The following NPHP4 variants were observed in gnomAD, a reference collection of about 807,000 sequenced individuals.
NPHP4 encodes the protein nephrocystin-4.
In NPHP4, 151 loss-of-function variants were observed where a neutral mutation model predicts 155.8. The ratio of observed to expected loss-of-function variants is 0.97; its 90% CI spans 0.85 to 1.11. The LOEUF (loss-of-function observed/expected upper bound fraction) is 1.11. Ranked by LOEUF, NPHP4 falls within the 50% of genes least tolerant of loss-of-function variation. NPHP4 has a pLI of 0.00. For missense variants in NPHP4, 1,956 were observed against 1,925.7 expected, an observed-to-expected ratio of 1.02 and a Z score of -0.29; for synonymous variants, 845 against 816.8, an observed-to-expected ratio of 1.03 and a Z score of -0.59.
intron 1 of NPHP4, among the ~76,000 whole-genome samples, chr1:5,991,781 G>A (rs975408571): frequency 1.3e-5 from 2 of 152,068 alleles, no homozygotes; most frequent in African/African-American, 4.8e-5. Context: ...GCCGGGGGGC[G>A]GGGAGGAGGG....
At position 5,874,322 on chromosome 1, in the gene NPHP4, C is replaced by T. The variant is rs1047536767; in HGVS notation, c.3231+149G>A. ...CACTTGCAGTGTACATGCCAGGGCT[C>T]TTGTTGAGCACCAAGGGGAGTGGGC... On this transcript the variant is annotated intron_variant, in intron 22 of 29. Transcript: ENST00000378156. 11 of 738,088 alleles carry T rather than the reference C, an allele frequency of 1.5e-5. No individual in the cohort carries two copies. The Admixed American group carries it at 3.3e-4, about 22-fold the overall frequency. 45.7% of individuals were successfully genotyped at this position (738,088 alleles called of 1,614,324 possible). A position where few individuals can be genotyped will look rare whatever the true frequency, so the allele number is the denominator to read the frequency against.
chr1:5,916,458 G>A (rs1040069219), intron 11 of NPHP4, among the ~76,000 whole-genome samples: 8 of 152,264 alleles, frequency 5.3e-5, no homozygotes, highest in Admixed American at 6.5e-5. Context: ...CTGGGCTGAA[G>A]GTAATCATTT....
chr1:5,913,934 G>A (rs548352827), intron 11 of NPHP4, among the ~76,000 whole-genome samples: 24 of 152,208 alleles, frequency 1.6e-4, no homozygotes, highest in African/African-American at 5.8e-4. Context: ...GCCCAGAACA[G>A]AGGAAGGAGC....
chr1:5,946,971 A>C (rs1336386077), intron 9 of NPHP4, 133 bp downstream of exon 9: 9 of 959,918 alleles, frequency 9.4e-6, no homozygotes, highest in Non-Finnish European at 1.4e-5. Context: ...AAATGTCAGT[A>C]AAGTGATTTT....
At chr1:5,980,455 TG>T (rs1469580445) in intron 2 of NPHP4, among the ~76,000 whole-genome samples, 1 of 152,328 alleles carries the variant, frequency 6.6e-6, no homozygotes, top group East Asian at 1.9e-4. Context: ...GAGGAGAAGC[TG>T]GGTTCTCACT....
Position 5,978,351 on chromosome 1 carries a change from G to C in NPHP4, c.198C>G (p.Thr66=), listed in dbSNP as rs1477004787. The C allele has an allele frequency of 2.5e-6, 4 of 1,609,554 alleles. No homozygotes were observed. The Admixed American group carries it at 5.1e-5, about 20-fold the overall frequency. The change falls in exon 3 of 30, where the codon ACC becomes ACG. Residue 66 remains threonine, a synonymous_variant. Coordinates refer to ENST00000378156, the MANE Select transcript of NPHP4 (RefSeq NM_015102.5). ...CHLRVSFFDV[T]YRHFFGRTWK... is the part of the protein sequence containing the mutation. ...ACGTCCTCCCAAAGAAGTGCCGGTA[G>C]GTGACATCAAAGAAAGACACTCGCA...
chr1:5,959,514 T>A (rs1233494724), intron 6 of NPHP4, among the ~76,000 whole-genome samples: 1 of 152,144 alleles, frequency 6.6e-6, no homozygotes, highest in Non-Finnish European at 1.5e-5. Flanking sequence ...GTCCTAGTCA[T>A]GAGGCTGAGC....
chr1:5,923,843 C>T (rs1190843621), intron 11 of NPHP4, among the ~76,000 whole-genome samples: 1 of 152,132 alleles, frequency 6.6e-6, no homozygotes, highest in Non-Finnish European at 1.5e-5. Flanking sequence ...GTATCTGGAG[C>T]CCATCAAAAG....
intron 6 of NPHP4, among the ~76,000 whole-genome samples, chr1:5,957,258 C>T (rs1441735400): frequency 6.6e-6 from 1 of 152,160 alleles, no homozygotes. Context: ...TTCTGGGACC[C>T]CCATAAGCAC....
chr1:5,888,512 G>T (rs914880349), intron 17 of NPHP4: 1 of 1,295,480 alleles, frequency 7.7e-7, no homozygotes, highest in Admixed American at 2.2e-5. Context: ...GACCCTGGTC[G>T]CTTTGCCACA....
In NPHP4 at chr1:5,969,099, G is replaced by C; in HGVS notation, c.440C>G (p.Ser147Cys). ...SNQPDSPISA[S>C]QDKRLRLYHG... is the part of the protein sequence containing the mutation. The stretch of plus-strand genomic sequence containing the variant: ...ACAAGGCAGGTACCTTTTGTCCTGG[G>C]AAGCAGAGATAGGAGAGTCCGGCTG... The change falls in exon 4 of 30, where the codon TCC becomes TGC. Residue 147 changes from serine to cysteine, a missense_variant. Coordinates refer to ENST00000378156, the MANE Select transcript of NPHP4 (RefSeq NM_015102.5). 1 of 1,550,044 alleles carries C rather than the reference G, an allele frequency of 6.5e-7. No homozygotes were observed. Among genetic ancestry groups the C allele is most frequent in the Non-Finnish European group, 8.7e-7 (1 of 1,145,720 alleles).
intron 18 of NPHP4, 114 bp from the exon 19 acceptor site, chr1:5,880,353 C>T (rs1433071422): frequency 2.4e-5 from 24 of 1,013,972 alleles, no homozygotes; most frequent in Non-Finnish European, 3.3e-5. Flanking sequence ...TACACCCTGA[C>T]ACGCTAAGGC....
intron 5 of NPHP4, among the ~76,000 whole-genome samples, chr1:5,964,994 T>A (rs1241045675): frequency 7.4e-6 from 1 of 134,566 alleles, no homozygotes. Context: ...AGTGCAGTGG[T>A]GCAATCATGG....
intron 3 of NPHP4, among the ~76,000 whole-genome samples, chr1:5,973,393 C>T (rs1381509689): frequency 6.6e-6 from 1 of 152,202 alleles, no homozygotes; most frequent in Non-Finnish European, 1.5e-5. Flanking sequence ...GATTATAACC[C>T]AAAGCAAGAA....
intron 5 of NPHP4, among the ~76,000 whole-genome samples, chr1:5,966,958 C>T (rs1651629201): frequency 6.6e-6 from 1 of 152,248 alleles, no homozygotes; most frequent in Non-Finnish European, 1.5e-5. Flanking sequence ...AGATAACCGA[C>T]GGCTGTGCGG....
At chr1:5,929,814 C>T (rs1646186762) in intron 10 of NPHP4, among the ~76,000 whole-genome samples, 1 of 152,124 alleles carries the variant, frequency 6.6e-6, no homozygotes, top group African/African-American at 2.4e-5. Context: ...GTAATGCTGG[C>T]TTCATTTCAT....
intron 19 of NPHP4, chr1:5,879,264 T>C (rs1642959089): frequency 7.1e-6 from 2 of 282,314 alleles, no homozygotes; most frequent in African/African-American, 2.2e-5. Context: ...CTGCAACCTC[T>C]GGGGAAAATG....
At chr1:5,991,058 AG>A (rs1656189508) in intron 1 of NPHP4, among the ~76,000 whole-genome samples, 1 of 152,148 alleles carries the variant, frequency 6.6e-6, no homozygotes, top group Non-Finnish European at 1.5e-5. Context: ...GCAGGGCTGA[AG>A]GAAGATGCAG....
chr1:5,914,789 C>T (rs1570416691), intron 11 of NPHP4, among the ~76,000 whole-genome samples: 1 of 152,176 alleles, frequency 6.6e-6, no homozygotes, highest in African/African-American at 2.4e-5. Flanking sequence ...GGAGCAGGGG[C>T]CTCTCAACAT....
Sources: allele counts gnomAD v4.1 joint callset (sites outside exome capture counted in the v4.1 genomes callset), GRCh38; gene constraint gnomAD v4.1.1; transcripts MANE v1.5; gene names NCBI Gene and HGNC (gene_info 2026-07-23, HGNC 2026-07-21).